Variants in PRKAR1B observed in about 807,000 individuals in gnomAD.
PRKAR1B encodes protein kinase cAMP-dependent type I regulatory subunit beta.
PRKAR1B carries 22 observed loss-of-function variants against 46.5 expected under a neutral mutation model. That is an observed-to-expected ratio of 0.47 (90% CI 0.34 to 0.68). The LOEUF is 0.68. Among genes scored for constraint, PRKAR1B ranks in the 30% least tolerant of loss-of-function variants. The pLI, the probability that PRKAR1B is intolerant of heterozygous loss-of-function variation, is 0.01. For missense variants in PRKAR1B, 445 were observed against 535.6 expected (o/e 0.83, Z 1.67); for synonymous variants, 259 against 217.7 (o/e 1.19, Z -1.67).
intron 9 of PRKAR1B, among the ~76,000 whole-genome samples, chr7:573,311 A>T (rs915984449): frequency 9.2e-5 from 14 of 152,102 alleles, no homozygotes; most frequent in African/African-American, 2.9e-4. Flanking sequence ...TTTTATGTGA[A>T]TCTGCACAGC....
chr7:622,707 A>G (rs1010787347), intron 4 of PRKAR1B, among the ~76,000 whole-genome samples: 1 of 152,206 alleles, frequency 6.6e-6, no homozygotes, highest in Non-Finnish European at 1.5e-5. Context: ...GAGAATGTGC[A>G]TATGTGTATT....
At chr7:682,557 A>G (rs1778749547) in intron 2 of PRKAR1B, among the ~76,000 whole-genome samples, 1 of 152,052 alleles carries the variant, frequency 6.6e-6, no homozygotes, top group Admixed American at 6.6e-5. Flanking sequence ...CATCTTGGCT[A>G]ACACGGTGAA....
intron 4 of PRKAR1B, among the ~76,000 whole-genome samples, chr7:660,246 G>T (rs559326001): frequency 6.6e-6 from 1 of 151,822 alleles, no homozygotes; most frequent in African/African-American, 2.4e-5. Context: ...TCTCCCCGGG[G>T]ACATGGGCCC....
At chr7:697,315 A>G (rs955218316) in intron 2 of PRKAR1B, among the ~76,000 whole-genome samples, 2 of 152,058 alleles carry the variant, frequency 1.3e-5, no homozygotes, top group African/African-American at 2.4e-5. Flanking sequence ...TCCCGAGAGA[A>G]GCCTACACGC....
intron 4 of PRKAR1B, among the ~76,000 whole-genome samples, chr7:635,923 G>A (rs1262851572): frequency 6.6e-6 from 1 of 151,766 alleles, no homozygotes; most frequent in Non-Finnish European, 1.5e-5. Flanking sequence ...CATTGTAAAA[G>A]TACCAGCACC....
chr7:628,723 C>T (rs377250909), intron 4 of PRKAR1B, among the ~76,000 whole-genome samples: 1 of 152,200 alleles, frequency 6.6e-6, no homozygotes, highest in African/African-American at 2.4e-5. Flanking sequence ...CCGCCTACCC[C>T]GGGTAGAGTT....
intron 8 of PRKAR1B, among the ~76,000 whole-genome samples, chr7:583,516 C>CA (rs1562537414): frequency 5.4e-5 from 8 of 147,862 alleles, no homozygotes; most frequent in Non-Finnish European, 1.2e-4. Flanking sequence ...CACACCCACA[C>CA]ACGCGTGCAC....
intron 7 of PRKAR1B, among the ~76,000 whole-genome samples, chr7:592,036 G>C: frequency 6.6e-6 from 1 of 152,202 alleles, no homozygotes; most frequent in East Asian, 1.9e-4. Flanking sequence ...GCGGAGCAGG[G>C]GTCGCCAGCT....
chr7:648,343 G>A (rs1784726968), intron 4 of PRKAR1B, among the ~76,000 whole-genome samples: 1 of 152,166 alleles, frequency 6.6e-6, no homozygotes, highest in African/African-American at 2.4e-5. Flanking sequence ...AGGGCATGGT[G>A]GCTCACGTCT....
intron 4 of PRKAR1B, among the ~76,000 whole-genome samples, chr7:653,186 A>G (rs1785004917): frequency 6.6e-6 from 1 of 152,216 alleles, no homozygotes. Context: ...ACGCAGAAGG[A>G]ACTACACAAG....
At chr7:641,818 T>C (rs1018266101) in intron 4 of PRKAR1B, among the ~76,000 whole-genome samples, 18 of 152,172 alleles carry the variant, frequency 1.2e-4, no homozygotes, top group African/African-American at 3.6e-4. Context: ...CATTTATTTA[T>C]GTATTTATTT....
At chr7:704,038 C>T (rs1454529402) in intron 2 of PRKAR1B, among the ~76,000 whole-genome samples, 2 of 152,070 alleles carry the variant, frequency 1.3e-5, no homozygotes, top group Admixed American at 1.3e-4. Flanking sequence ...AAATACAGCA[C>T]ATCAAAATCT....
intron 4 of PRKAR1B, among the ~76,000 whole-genome samples, chr7:614,043 C>T (rs916417217): frequency 1.8e-4 from 28 of 152,288 alleles, no homozygotes; most frequent in African/African-American, 6.3e-4. Flanking sequence ...GCATGGAGGG[C>T]GGGAGGCGTG....
intron 2 of PRKAR1B, among the ~76,000 whole-genome samples, chr7:700,969 C>T (rs1780025545): frequency 6.6e-6 from 1 of 152,096 alleles, no homozygotes; most frequent in African/African-American, 2.4e-5. Context: ...GGATGGATCA[C>T]CTCAGGTCAG....
rs769224988 is a variant in PRKAR1B at position 721,507 on chromosome 7, G to T, written c.-23+5703C>A. Among the ~76,000 whole-genome samples, 4 of 152,258 alleles carry T rather than the reference G, an allele frequency of 2.6e-5. 1 individual carries two copies. Among genetic ancestry groups the T allele is most frequent in the Non-Finnish European group, 5.9e-5 (4 of 68,024 alleles). ...CTACTAAAAATAAAAAAATACTCGG[G>T]CATGGTGGCACATGCCTGTAATCCC... is the stretch of plus-strand genomic sequence containing the variant. On this transcript the variant is annotated intron_variant, in intron 1 of 10. Transcript: ENST00000537384.
rs150123262 is a variant in PRKAR1B at position 583,422 on chromosome 7, A to C, written c.769+1086T>G. On this transcript the variant is annotated intron_variant, in intron 8 of 10. Transcript: ENST00000537384. ...CCCACACGTGTGCACACCCACGCAC[A>C]CACGCACACACCCACAGTGCACACT... Among the ~76,000 whole-genome samples the C allele has an allele frequency of 7.2e-3, 407 of 56,918 alleles. 17 individuals carry two copies. The highest frequency in any genetic ancestry group is 0.039 in the Admixed American group (272 of 6,968). The allele number at this position is 56,918 out of a possible 152,430, so 37.3% of individuals were successfully genotyped here.
Position 601,988 on chromosome 7 carries a change from A to T in PRKAR1B, c.549+4205T>A, listed in dbSNP as rs1781637789. 2.0e-5 allele frequency among the ~76,000 whole-genome samples: 3 copies of T among 151,376 alleles called. No homozygotes were observed. The South Asian group carries it at 6.3e-4, about 32-fold the overall frequency. On this transcript the variant is annotated intron_variant, in intron 6 of 10. Transcript: ENST00000537384. ...TTTGCCAGGACAATATATTTGGGGA[A>T]CTCCAGTTACACGAGGGTGACCTCA...
intron 4 of PRKAR1B, among the ~76,000 whole-genome samples, chr7:625,823 TG>T (rs1783360690): frequency 6.6e-6 from 1 of 152,004 alleles, no homozygotes; most frequent in Admixed American, 6.6e-5. Context: ...CTGGCCAAGA[TG>T]GTGAAACCCC....
chr7:570,461 G>A (rs370882294), intron 9 of PRKAR1B, among the ~76,000 whole-genome samples: 71 of 151,888 alleles, frequency 4.7e-4, no homozygotes, highest in African/African-American at 1.6e-3. Context: ...CTGTGTCCCC[G>A]AGGCTGTCAG....
Sources: gnomAD v4.1 joint callset for allele counts (sites outside exome capture counted in the v4.1 genomes callset) on GRCh38, gnomAD v4.1.1 for gene constraint, MANE v1.5 for transcripts, NCBI Gene and HGNC (gene_info 2026-07-23, HGNC 2026-07-21) for gene names.